The following EPDR1 variants were observed in gnomAD, a reference collection of about 807,000 sequenced individuals.
EPDR1 encodes mammalian ependymin-related protein 1.
Under a neutral mutation model 23.7 loss-of-function variants are expected in EPDR1, and 27 were observed. That is an observed-to-expected ratio of 1.14 (90% CI 0.84 to 1.57). EPDR1 has a LOEUF of 1.57. EPDR1 is among the 40% of genes most tolerant of loss of function. The pLI is 0.00. For synonymous variants in EPDR1, 137 were observed against 118.2 expected (o/e 1.16, Z -1.03); for missense variants, 349 against 290.4 (o/e 1.20, Z -1.47).
intron 1 of EPDR1, among the ~76,000 whole-genome samples, chr7:37,948,342 ATT>A (rs56967310): frequency 0.25 from 33,689 of 135,340 alleles, 3,775 homozygotes; most frequent in South Asian, 0.39. Context: ...TTTGACCTCA[ATT>A]TTTTTTTTTT....
chr7:37,929,966 G>A (rs1466419388), intron 1 of EPDR1, among the ~76,000 whole-genome samples: 3 of 152,158 alleles, frequency 2.0e-5, no homozygotes, highest in Non-Finnish European at 4.4e-5. Flanking sequence ...TGAGTCGGGA[G>A]GCCATCTGAA....
chr7:37,948,497 C>A (rs1021986244), intron 1 of EPDR1, among the ~76,000 whole-genome samples: 2 of 152,024 alleles, frequency 1.3e-5, no homozygotes, highest in Non-Finnish European at 2.9e-5. Context: ...CTGTGCACTG[C>A]CATGTCTGGC....
Position 37,942,351 on chromosome 7 carries a change from G to A in EPDR1, c.270-6489G>A, listed in dbSNP as rs117476319. ...AAACTTTGAAGATATTATATTGACT[G>A]AAAAGAATAAATATTGTGTGATTCC... On this transcript the variant is annotated intron_variant, in intron 1 of 2. Transcript: ENST00000199448. 9.9e-3 allele frequency among the ~76,000 whole-genome samples: 1,508 copies of A among 152,264 alleles called. 26 individuals carry two copies. Among genetic ancestry groups the A allele is most frequent in the Non-Finnish European group, 0.011 (752 of 67,994 alleles).
At chr7:37,921,554 G>C (rs941119883) in intron 1 of EPDR1, 107 of 1,219,174 alleles carry the variant, frequency 8.8e-5, no homozygotes, top group Admixed American at 4.7e-4. Flanking sequence ...GGCTCATGGA[G>C]CCCCCTGCAG....
intron 1 of EPDR1, among the ~76,000 whole-genome samples, chr7:37,925,457 A>G (rs1785794795): frequency 6.6e-6 from 1 of 152,216 alleles, no homozygotes; most frequent in Non-Finnish European, 1.5e-5. Flanking sequence ...TATGTCACAA[A>G]TGGGGCAGCA....
chr7:37,930,256 G>A (rs1440603284), intron 1 of EPDR1, among the ~76,000 whole-genome samples: 3 of 152,196 alleles, frequency 2.0e-5, no homozygotes, highest in Non-Finnish European at 4.4e-5. Context: ...GCTCTCTCAG[G>A]GAAGACGCTG....
chr7:37,932,472 G>A (rs979879933), intron 1 of EPDR1, among the ~76,000 whole-genome samples: 5 of 152,064 alleles, frequency 3.3e-5, no homozygotes, highest in African/African-American at 1.2e-4. Context: ...AGCTATCCTT[G>A]TGGTCACACA....
At chr7:37,925,282 C>T (rs1015014201) in intron 1 of EPDR1, among the ~76,000 whole-genome samples, 1 of 152,194 alleles carries the variant, frequency 6.6e-6, no homozygotes, top group African/African-American at 2.4e-5. Flanking sequence ...ACTATAGGCT[C>T]CCCCTTACAA....
Position 37,935,343 on chromosome 7 carries a change from G to A in EPDR1, c.270-13497G>A, listed in dbSNP as rs148082536. Among the ~76,000 whole-genome samples, 228 of 152,250 alleles carry A rather than the reference G, an allele frequency of 1.5e-3. 2 individuals are homozygous for A. The highest frequency in any genetic ancestry group is 5.3e-3 in the African/African-American group (222 of 41,550). On this transcript the variant is annotated intron_variant, in intron 1 of 2. Coordinates refer to ENST00000199448, the MANE Select transcript of EPDR1 (RefSeq NM_017549.5). ...GGATGAATTAGCCCTTCTTTGTTACGTAGTAGAGCAATTCATATGTGTACA... is the reference window on the plus strand; with the variant it reads ...GGATGAATTAGCCCTTCTTTGTTACATAGTAGAGCAATTCATATGTGTACA...
In EPDR1 at chr7:37,950,063, A is replaced by G. The variant is rs904064844; in HGVS notation, c.479-137A>G. The stretch of plus-strand genomic sequence containing the variant: ...TGGTGCTGATGGTCAACAAATGTGA[A>G]TGTACTCAAGGCCACCAAACACTTA... On this transcript the variant is annotated intron_variant, in intron 2 of 2. Transcript: ENST00000199448. The G allele has an allele frequency of 8.4e-6, 5 of 592,484 alleles. No individual in the cohort carries two copies. The African/African-American group carries it at 9.3e-5, about 11-fold the overall frequency. The allele number at this position is 592,484 out of a possible 1,614,324, so 36.7% of individuals were successfully genotyped here. A position where few individuals can be genotyped will look rare whatever the true frequency, so the allele number is the denominator to read the frequency against.
intron 1 of EPDR1, among the ~76,000 whole-genome samples, chr7:37,927,887 C>A (rs1231533081): frequency 2.6e-5 from 4 of 152,136 alleles, no homozygotes; most frequent in African/African-American, 9.7e-5. Flanking sequence ...CTTGTGGCCT[C>A]CTGATCCTCA....
chr7:37,939,211 C>T (rs1471634055), intron 1 of EPDR1, among the ~76,000 whole-genome samples: 1 of 152,094 alleles, frequency 6.6e-6, no homozygotes. Flanking sequence ...GATCTCCTGA[C>T]CTCATGATCT....
At chr7:37,922,098 TC>T (rs1358486924) in intron 1 of EPDR1, among the ~76,000 whole-genome samples, 2 of 152,116 alleles carry the variant, frequency 1.3e-5, no homozygotes, top group Non-Finnish European at 2.9e-5. Flanking sequence ...GCCCTGCCGT[TC>T]CCCCTAAGTG....
At chr7:37,943,100 C>T (rs916023752) in intron 1 of EPDR1, among the ~76,000 whole-genome samples, 12 of 152,214 alleles carry the variant, frequency 7.9e-5, no homozygotes, top group African/African-American at 2.7e-4. Context: ...TGTGGGAACT[C>T]GCCTGCCCCT....
In EPDR1 at chr7:37,950,458, G is replaced by T; in HGVS notation, c.*62G>T. On this transcript the variant is annotated 3_prime_UTR_variant, in exon 3 of 3. Transcript: ENST00000199448. Reference sequence around the variant, plus strand: ...CCCCCTGCGGCCCCAGCTGGAGATGGATATGAGACTAGTCAAGATGTGAAT... The same window carrying T: ...CCCCCTGCGGCCCCAGCTGGAGATGTATATGAGACTAGTCAAGATGTGAAT... 1 of 1,400,220 alleles carries T rather than the reference G, an allele frequency of 7.1e-7. No individual in the cohort carries two copies. The highest frequency in any genetic ancestry group is 9.7e-7 in the Non-Finnish European group (1 of 1,030,038). 86.7% of individuals were successfully genotyped at this position (1,400,220 alleles called of 1,614,324 possible). A position where few individuals can be genotyped will look rare whatever the true frequency, so the allele number is the denominator to read the frequency against.
At chr7:37,947,378 G>A (rs891231899) in intron 1 of EPDR1, among the ~76,000 whole-genome samples, 1 of 152,206 alleles carries the variant, frequency 6.6e-6, no homozygotes, top group Non-Finnish European at 1.5e-5. Context: ...ACTCTATGAT[G>A]TTCGTGCAGT....
intron 1 of EPDR1, among the ~76,000 whole-genome samples, chr7:37,930,116 C>A (rs562360781): frequency 6.6e-6 from 1 of 152,192 alleles, no homozygotes; most frequent in East Asian, 1.9e-4. Flanking sequence ...ATGACTCCTG[C>A]CCGCTCACAG....
chr7:37,935,510 A>C (rs1786029978), intron 1 of EPDR1, among the ~76,000 whole-genome samples: 1 of 152,196 alleles, frequency 6.6e-6, no homozygotes. Flanking sequence ...TAAGAATGTC[A>C]TAAGTTTCAA....
At chr7:37,924,135 C>G (rs969038602) in intron 1 of EPDR1, among the ~76,000 whole-genome samples, 25 of 152,192 alleles carry the variant, frequency 1.6e-4, no homozygotes, top group African/African-American at 5.8e-4. Context: ...TCAAATCCAC[C>G]AGACTAGGTC....
Sources: gnomAD v4.1 joint callset for allele counts (sites outside exome capture counted in the v4.1 genomes callset) on GRCh38, gnomAD v4.1.1 for gene constraint, MANE v1.5 for transcripts, NCBI Gene and HGNC (gene_info 2026-07-23, HGNC 2026-07-21) for gene names.